TNIK: variants seen among roughly 807,000 people sequenced by gnomAD.
TNIK encodes the protein TRAF2 and NCK interacting kinase, also known as TRAF2 and NCK-interacting protein kinase.
In TNIK, 49 loss-of-function variants were observed where a neutral mutation model predicts 191.3. That is an observed-to-expected ratio of 0.26 (90% CI 0.20 to 0.32). The LOEUF (loss-of-function observed/expected upper bound fraction) is 0.32, where lower values mean the gene tolerates loss of function less well. Among genes scored for constraint, TNIK ranks in the 10% least tolerant of loss-of-function variants. TNIK has a pLI of 1.00. For missense variants in TNIK, 1,155 were observed against 1,702.3 expected (o/e 0.68, Z 5.66); for synonymous variants, 594 against 600.9 (o/e 0.99, Z 0.17).
At chr3:171,194,956 A>G (rs1391409900) in intron 4 of TNIK, among the ~76,000 whole-genome samples, 1 of 152,086 alleles carries the variant, frequency 6.6e-6, no homozygotes, top group Non-Finnish European at 1.5e-5. Context: ...TTAACTCAGC[A>G]GTCAAATTTT....
intron 12 of TNIK, among the ~76,000 whole-genome samples, chr3:171,155,640 CAAGAG>C (rs1733070099): frequency 6.6e-6 from 1 of 152,204 alleles, no homozygotes; most frequent in Non-Finnish European, 1.5e-5. Flanking sequence ...GCAAATGCCA[CAAGAG>C]AAGAGACACA....
intron 2 of TNIK, among the ~76,000 whole-genome samples, chr3:171,332,541 A>G (rs1279429008): frequency 6.6e-6 from 1 of 152,180 alleles, no homozygotes; most frequent in Non-Finnish European, 1.5e-5. Flanking sequence ...ACACCACGGC[A>G]CTTCCTGGGA....
chr3:171,312,059 A>G (rs1465686094), intron 2 of TNIK, among the ~76,000 whole-genome samples: 2 of 133,354 alleles, frequency 1.5e-5, no homozygotes, highest in South Asian at 2.5e-4. Context: ...GAGGGGAGAC[A>G]TTTTGTGGCA....
intron 21 of TNIK, 45 bp from the exon 22 acceptor site, chr3:171,101,678 C>A (rs1723589490): frequency 1.3e-6 from 2 of 1,583,126 alleles, no homozygotes; most frequent in African/African-American, 2.7e-5. Context: ...TAGATACGAC[C>A]AAAGCTACAT....
chr3:171,307,373 T>G, intron 2 of TNIK, among the ~76,000 whole-genome samples: 1 of 152,148 alleles, frequency 6.6e-6, no homozygotes, highest in Non-Finnish European at 1.5e-5. Flanking sequence ...TTTCCATGTT[T>G]AGAAACTGCA....
chr3:171,152,597 T>G (rs974954261), intron 12 of TNIK, among the ~76,000 whole-genome samples: 2 of 152,120 alleles, frequency 1.3e-5, no homozygotes, highest in Admixed American at 1.3e-4. Flanking sequence ...GAATAAGAAC[T>G]GCCAGGGCAT....
intron 19 of TNIK, 135 bp downstream of exon 19, chr3:171,110,579 G>C: frequency 8.6e-7 from 1 of 1,166,588 alleles, no homozygotes; most frequent in Non-Finnish European, 1.2e-6. Flanking sequence ...GGGGTTGAGA[G>C]CAGTTGACAG....
intron 7 of TNIK, among the ~76,000 whole-genome samples, chr3:171,180,746 C>T (rs1042907376): frequency 1.2e-4 from 19 of 152,206 alleles, no homozygotes; most frequent in African/African-American, 4.6e-4. Context: ...GGGTCTTCTG[C>T]TTCCTAGGCC....
chr3:171,307,127 G>A (rs1022868572), intron 2 of TNIK, among the ~76,000 whole-genome samples: 1 of 152,082 alleles, frequency 6.6e-6, no homozygotes, highest in African/African-American at 2.4e-5. Context: ...CTTCACATAC[G>A]TTTCCAAAAC....
intron 2 of TNIK, among the ~76,000 whole-genome samples, chr3:171,362,930 A>C (rs1479228934): frequency 6.6e-6 from 1 of 152,176 alleles, no homozygotes; most frequent in Non-Finnish European, 1.5e-5. Flanking sequence ...TCTTGTGCCC[A>C]TTCAGGTCCC....
chr3:171,308,512 A>G (rs573879206), intron 2 of TNIK, among the ~76,000 whole-genome samples: 1 of 152,358 alleles, frequency 6.6e-6, no homozygotes, highest in South Asian at 2.1e-4. Context: ...CAAAGATTTT[A>G]TGACAAAGAT....
chr3:171,329,696 A>C (rs569609218), intron 2 of TNIK, among the ~76,000 whole-genome samples: 1 of 152,376 alleles, frequency 6.6e-6, no homozygotes, highest in African/African-American at 2.4e-5. Context: ...ACCACTGTGA[A>C]TGAAAAAAGC....
intron 10 of TNIK, among the ~76,000 whole-genome samples, chr3:171,166,102 G>A (rs1734591374): frequency 6.6e-6 from 1 of 152,182 alleles, no homozygotes; most frequent in African/African-American, 2.4e-5. Flanking sequence ...CCATACCGAT[G>A]ATTATGGCAG....
intron 2 of TNIK, among the ~76,000 whole-genome samples, chr3:171,342,677 T>C (rs1046470218): frequency 2.0e-5 from 3 of 152,116 alleles, no homozygotes; most frequent in South Asian, 2.1e-4. Flanking sequence ...TATATTGATA[T>C]GAATAAATGA....
chr3:171,251,623 C>G (rs556912434), intron 2 of TNIK, among the ~76,000 whole-genome samples: 1 of 152,152 alleles, frequency 6.6e-6, no homozygotes, highest in African/African-American at 2.4e-5. Context: ...TTATCAAGAA[C>G]CTGTATTCCA....
chr3:171,388,487 C>T (rs969304071), intron 1 of TNIK, among the ~76,000 whole-genome samples: 4 of 152,156 alleles, frequency 2.6e-5, no homozygotes, highest in Non-Finnish European at 5.9e-5. Flanking sequence ...TCAGGTCCTG[C>T]CACGCATTAG....
chr3:171,237,863 T>A (rs905787721), intron 2 of TNIK, among the ~76,000 whole-genome samples: 2 of 152,128 alleles, frequency 1.3e-5, no homozygotes, highest in Non-Finnish European at 2.9e-5. Flanking sequence ...GGCTGCAGTA[T>A]GCTCTTGTAT....
At chr3:171,373,159 A>G (rs1716754042) in intron 1 of TNIK, among the ~76,000 whole-genome samples, 1 of 152,158 alleles carries the variant, frequency 6.6e-6, no homozygotes, top group Non-Finnish European at 1.5e-5. Flanking sequence ...TCCATTCTAG[A>G]GTACCTCTAA....
intron 2 of TNIK, among the ~76,000 whole-genome samples, chr3:171,286,168 G>A (rs1750989158): frequency 6.6e-6 from 1 of 152,166 alleles, no homozygotes; most frequent in African/African-American, 2.4e-5. Flanking sequence ...TGGTGGAAGA[G>A]ACAAAAGATT....
Sources: gnomAD v4.1 joint callset for allele counts (sites outside exome capture counted in the v4.1 genomes callset) on GRCh38, gnomAD v4.1.1 for gene constraint, MANE v1.5 for transcripts, NCBI Gene and HGNC (gene_info 2026-07-23, HGNC 2026-07-21) for gene names.